The following CNTN5 variants were observed in gnomAD, a reference collection of about 807,000 sequenced individuals.
The protein encoded by CNTN5 is contactin 5.
In CNTN5, 77 loss-of-function variants were observed where a neutral mutation model predicts 129.1. That is an observed-to-expected ratio of 0.60 (90% CI 0.50 to 0.72). The LOEUF is 0.72. Ranked by LOEUF, CNTN5 falls within the 30% of genes least tolerant of loss-of-function variation. The pLI, the probability that CNTN5 is intolerant of heterozygous loss-of-function variation, is 0.00. For missense variants in CNTN5, 1,478 were observed against 1,328.8 expected (o/e 1.11, Z -1.75); for synonymous variants, 509 against 465.6 (o/e 1.09, Z -1.20).
At chr11:99,476,622 A>G (rs1041629971) in intron 2 of CNTN5, among the ~76,000 whole-genome samples, 2 of 152,174 alleles carry the variant, frequency 1.3e-5, no homozygotes, top group Admixed American at 6.5e-5. Flanking sequence ...ATAAGCATTC[A>G]TAATTATGAA....
chr11:99,139,670 T>G (rs1327159643), intron 1 of CNTN5, among the ~76,000 whole-genome samples: 1 of 152,214 alleles, frequency 6.6e-6, no homozygotes, highest in Non-Finnish European at 1.5e-5. Flanking sequence ...TTTGTCTTAT[T>G]AAATATTCCC....
intron 1 of CNTN5, among the ~76,000 whole-genome samples, chr11:99,286,402 G>A (rs1231583161): frequency 6.6e-6 from 1 of 152,170 alleles, no homozygotes; most frequent in Non-Finnish European, 1.5e-5. Context: ...GCTTCAGCAT[G>A]ATTTTGAACT....
At chr11:99,622,499 G>T (rs904166603) in intron 3 of CNTN5, among the ~76,000 whole-genome samples, 1 of 152,096 alleles carries the variant, frequency 6.6e-6, no homozygotes, top group Non-Finnish European at 1.5e-5. Context: ...ATTATCTGGG[G>T]AAGATTATAG....
intron 9 of CNTN5, among the ~76,000 whole-genome samples, chr11:100,021,910 C>A (rs1252973700): frequency 6.6e-6 from 1 of 152,144 alleles, no homozygotes; most frequent in Non-Finnish European, 1.5e-5. Context: ...TGTTTGAGGG[C>A]AGGAAGCAAC....
chr11:99,477,122 T>G (rs1356055202), intron 2 of CNTN5, among the ~76,000 whole-genome samples: 15 of 151,944 alleles, frequency 9.9e-5, no homozygotes, highest in African/African-American at 3.1e-4. Flanking sequence ...TGAAAAAATA[T>G]TTAGTTAATA....
At chr11:99,595,737 T>C (rs1376879038) in intron 3 of CNTN5, among the ~76,000 whole-genome samples, 3 of 144,706 alleles carry the variant, frequency 2.1e-5, no homozygotes, top group Admixed American at 7.2e-5. Flanking sequence ...ATGCTGATAC[T>C]TCACTGAATT....
At chr11:99,731,568 A>G (rs1390449393) in intron 3 of CNTN5, among the ~76,000 whole-genome samples, 1 of 152,194 alleles carries the variant, frequency 6.6e-6, no homozygotes, top group Non-Finnish European at 1.5e-5. Flanking sequence ...TAGCAGTGCT[A>G]TATCAGAAAT....
In CNTN5 at chr11:99,849,295, C is replaced by G. The variant is rs572054259; in HGVS notation, c.577+4033C>G. Among the ~76,000 whole-genome samples the G allele has an allele frequency of 1.7e-4, 25 of 151,440 alleles. No homozygotes were observed. The South Asian group carries it at 4.0e-3, about 24-fold the overall frequency. ...GAAAATTACATATTTTCAAAGAAAACTTTGATTTTTAGTATCATTAAAGTC... is the reference window on the plus strand; with the variant it reads ...GAAAATTACATATTTTCAAAGAAAAGTTTGATTTTTAGTATCATTAAAGTC... On this transcript the variant is annotated intron_variant, in intron 6 of 24. Coordinates refer to ENST00000524871, the MANE Select transcript of CNTN5 (RefSeq NM_014361.4).
intron 1 of CNTN5, among the ~76,000 whole-genome samples, chr11:99,075,595 A>G (rs773474160): frequency 3.9e-5 from 6 of 152,198 alleles, no homozygotes; most frequent in Non-Finnish European, 8.8e-5. Flanking sequence ...TTTTTCTATT[A>G]TCAAAGGAAA....
intron 6 of CNTN5, among the ~76,000 whole-genome samples, chr11:99,909,329 G>A (rs1591401927): frequency 3.3e-5 from 5 of 152,250 alleles, no homozygotes; most frequent in African/African-American, 9.6e-5. Context: ...TGGAGAGGAT[G>A]TGGAGAAATA....
At chr11:99,392,331 T>C (rs897778694) in intron 2 of CNTN5, among the ~76,000 whole-genome samples, 14 of 151,782 alleles carry the variant, frequency 9.2e-5, no homozygotes, top group Admixed American at 5.9e-4. Context: ...ATAGCAAAAA[T>C]AGGAGGGAGA....
intron 7 of CNTN5, among the ~76,000 whole-genome samples, chr11:99,919,432 C>T (rs1949878832): frequency 6.6e-6 from 1 of 152,142 alleles, no homozygotes. Context: ...TCGGCCAATG[C>T]CCTCTTCATT....
At chr11:99,880,780 A>G (rs1209777696) in intron 6 of CNTN5, among the ~76,000 whole-genome samples, 1 of 152,204 alleles carries the variant, frequency 6.6e-6, no homozygotes, top group African/African-American at 2.4e-5. Flanking sequence ...ACAGTAGGGT[A>G]ATAGAATTGT....
chr11:99,580,471 TG>T (rs1460324550), intron 3 of CNTN5, among the ~76,000 whole-genome samples: 1 of 152,216 alleles, frequency 6.6e-6, no homozygotes, highest in Non-Finnish European at 1.5e-5. Context: ...GGACTTTTTT[TG>T]GTTGGTAATC....
chr11:99,276,791 C>T (rs965859166), intron 1 of CNTN5, among the ~76,000 whole-genome samples: 1 of 151,358 alleles, frequency 6.6e-6, no homozygotes, highest in Non-Finnish European at 1.5e-5. Context: ...TTAAGGGCTA[C>T]TATTTCTATC....
At chr11:99,127,343 T>C (rs564589007) in intron 1 of CNTN5, among the ~76,000 whole-genome samples, 5 of 152,334 alleles carry the variant, frequency 3.3e-5, no homozygotes, top group African/African-American at 1.2e-4. Flanking sequence ...CAAACCTGGA[T>C]GTCATCTGTT....
At chr11:99,957,453 T>C (rs1239691670) in intron 8 of CNTN5, among the ~76,000 whole-genome samples, 1 of 152,208 alleles carries the variant, frequency 6.6e-6, no homozygotes, top group Non-Finnish European at 1.5e-5. Context: ...TGATTATTAC[T>C]TTTCCAATAA....
At chr11:99,984,815 G>A (rs921192500) in intron 8 of CNTN5, among the ~76,000 whole-genome samples, 2 of 152,168 alleles carry the variant, frequency 1.3e-5, no homozygotes, top group East Asian at 3.9e-4. Flanking sequence ...GATAACTTAG[G>A]ACTAGAACAT....
At chr11:99,668,806 T>C (rs1344118465) in intron 3 of CNTN5, among the ~76,000 whole-genome samples, 1 of 152,078 alleles carries the variant, frequency 6.6e-6, no homozygotes, top group Non-Finnish European at 1.5e-5. Context: ...TGGGGGCATG[T>C]GCCTGTGGTC....
Sources: gnomAD v4.1 joint callset for allele counts (sites outside exome capture counted in the v4.1 genomes callset) on GRCh38, gnomAD v4.1.1 for gene constraint, MANE v1.5 for transcripts, NCBI Gene and HGNC (gene_info 2026-07-23, HGNC 2026-07-21) for gene names.